The following GALNT18 variants were observed in gnomAD, a reference collection of about 807,000 sequenced individuals.
GALNT18 encodes polypeptide N-acetylgalactosaminyltransferase 18.
In GALNT18, 44 loss-of-function variants were observed where a neutral mutation model predicts 69.5. That is an observed-to-expected ratio of 0.63 (90% CI 0.50 to 0.81). GALNT18 has a LOEUF of 0.81. GALNT18 is among the 40% of genes least tolerant of loss of function. The pLI is 0.00. For synonymous variants in GALNT18, 364 were observed against 318.2 expected, an observed-to-expected ratio of 1.14 and a Z score of -1.53; for missense variants, 715 against 810.0, an observed-to-expected ratio of 0.88 and a Z score of 1.42.
rs1021530459 is a variant in GALNT18 at position 11,600,662 on chromosome 11, GATA to G, written c.235+20694_235+20696del. ...TATATGAACCTTGTTGAGCTTCTTG[GATA>G]TAAAGATTAATATTCTTTCTCAAAT... On this transcript the variant is annotated intron_variant, in intron 1 of 10. Transcript: ENST00000227756. The surrounding 1 kb of genome is among the most constrained non-coding windows in gnomAD (Gnocchi z 4.8). Among the ~76,000 whole-genome samples the G allele has an allele frequency of 1.2e-4, 18 of 152,096 alleles. No homozygotes were observed. The highest frequency in any genetic ancestry group is 1.0e-3 in the Admixed American group (16 of 15,282).
At chr11:11,515,200 C>T (rs779716139) in intron 1 of GALNT18, among the ~76,000 whole-genome samples, 1 of 152,072 alleles carries the variant, frequency 6.6e-6, no homozygotes, top group African/African-American at 2.4e-5. Context: ...ATGAGGTCAC[C>T]CTGCAAAGGG....
chr11:11,601,355 A>T lies in GALNT18; in HGVS notation c.235+20004T>A, dbSNP rs1043127546. Among the ~76,000 whole-genome samples, 2 of 152,160 alleles carry T rather than the reference A, an allele frequency of 1.3e-5. No individual in the cohort carries two copies. The highest frequency in any genetic ancestry group is 4.8e-5 in the African/African-American group (2 of 41,428). ...TTCCCCCAACAGTGTGTAGTCTCTA[A>T]TACTACTTCTTGAAGGTGAAACCTT... is the stretch of plus-strand genomic sequence containing the variant. On this transcript the variant is annotated intron_variant, in intron 1 of 10. Coordinates refer to ENST00000227756, the MANE Select transcript of GALNT18 (RefSeq NM_198516.3). This position sits in a 1 kb window ranked among gnomAD's most constrained non-coding sequence, Gnocchi z 4.0.
chr11:11,278,590 C>T (rs565569055), intron 10 of GALNT18, among the ~76,000 whole-genome samples: 1 of 151,574 alleles, frequency 6.6e-6, no homozygotes, highest in Admixed American at 6.6e-5. Context: ...AAACCAGGCA[C>T]AGAAAGACAA....
At chr11:11,327,014 G>T in intron 9 of GALNT18, 72 bp downstream of exon 9, 1 of 1,126,510 alleles carries the variant, frequency 8.9e-7, no homozygotes, top group Non-Finnish European at 1.4e-6. Context: ...CCATGACAGA[G>T]CCTAGCTCTC....
At chr11:11,522,351 A>G (rs1035139759) in intron 1 of GALNT18, among the ~76,000 whole-genome samples, 10 of 152,120 alleles carry the variant, frequency 6.6e-5, no homozygotes, top group Non-Finnish European at 8.8e-5. Context: ...CCAGTGGCCG[A>G]CAGGACTTAA....
At position 11,332,917 on chromosome 11, in the gene GALNT18, C is replaced by G; in HGVS notation, c.1279-86G>C. 3.4e-6 allele frequency: 5 copies of G among 1,464,568 alleles called. No individual in the cohort carries two copies. The Admixed American group carries it at 5.1e-5, about 15-fold the overall frequency. 90.7% of individuals were successfully genotyped at this position (1,464,568 alleles called of 1,614,324 possible). A position where few individuals can be genotyped will look rare whatever the true frequency, so the allele number is the denominator to read the frequency against. ...TCTACTTTGGCATGACCTTGTGCCCCCAACAAGATTCCTAGAGACTGGGGA... is the reference window on the plus strand; with the variant it reads ...TCTACTTTGGCATGACCTTGTGCCCGCAACAAGATTCCTAGAGACTGGGGA... On this transcript the variant is annotated intron_variant, in intron 7 of 10. Transcript: ENST00000227756. The surrounding 1 kb of genome is among the most constrained non-coding windows in gnomAD (Gnocchi z 4.3).
chr11:11,364,210 G>A (rs1241090707), intron 6 of GALNT18, among the ~76,000 whole-genome samples: 1 of 152,172 alleles, frequency 6.6e-6, no homozygotes, highest in Admixed American at 6.5e-5. Flanking sequence ...AAGTATTTCA[G>A]TTAATAAATG....
intron 10 of GALNT18, among the ~76,000 whole-genome samples, chr11:11,278,127 TG>T (rs1337078662): frequency 3.9e-5 from 6 of 151,962 alleles, no homozygotes; most frequent in African/African-American, 1.5e-4. Context: ...TATTATTGTG[TG>T]GGGGTCTAAG....
At chr11:11,410,551 CA>C (rs1466683942) in intron 3 of GALNT18, among the ~76,000 whole-genome samples, 1 of 152,168 alleles carries the variant, frequency 6.6e-6, no homozygotes, top group African/African-American at 2.4e-5. Flanking sequence ...AATGAGCAAT[CA>C]GGGGCACTGT....
At chr11:11,530,538 G>A (rs1411584569) in intron 1 of GALNT18, among the ~76,000 whole-genome samples, 1 of 152,146 alleles carries the variant, frequency 6.6e-6, no homozygotes, top group South Asian at 2.1e-4. Context: ...GAAGTCCATC[G>A]GACCCAAACA....
At chr11:11,295,437 C>T (rs915071021) in intron 9 of GALNT18, among the ~76,000 whole-genome samples, 1 of 150,814 alleles carries the variant, frequency 6.6e-6, no homozygotes, top group Non-Finnish European at 1.5e-5. Context: ...GAGCTGTCAC[C>T]AGAACGTGTA....
intron 1 of GALNT18, among the ~76,000 whole-genome samples, chr11:11,464,833 T>C (rs1201178284): frequency 6.6e-6 from 1 of 152,088 alleles, no homozygotes; most frequent in Non-Finnish European, 1.5e-5. Context: ...ATGTTGAAAA[T>C]TGGGGATAAT....
In GALNT18 at chr11:11,563,351, T is replaced by G. The variant is rs906819209; in HGVS notation, c.235+58008A>C. 5.3e-5 allele frequency among the ~76,000 whole-genome samples: 8 copies of G among 152,182 alleles called. No individual in the cohort carries two copies. The highest frequency in any genetic ancestry group is 1.2e-4 in the Non-Finnish European group (8 of 68,024). ...CAGTCATCTAAGTAAGGCTTGTTGG[T>G]AGAGGAACAGCCGAGATCTGGACAG... On this transcript the variant is annotated intron_variant, in intron 1 of 10. Transcript: ENST00000227756. This position sits in a 1 kb window ranked among gnomAD's most constrained non-coding sequence, Gnocchi z 4.6.
chr11:11,397,550 A>T (rs1854362738), intron 3 of GALNT18, among the ~76,000 whole-genome samples: 1 of 151,970 alleles, frequency 6.6e-6, no homozygotes, highest in Non-Finnish European at 1.5e-5. Context: ...TGCAACTTCC[A>T]CCTCCCCGGT....
At chr11:11,547,796 C>T (rs911711768) in intron 1 of GALNT18, among the ~76,000 whole-genome samples, 5 of 152,166 alleles carry the variant, frequency 3.3e-5, no homozygotes, top group African/African-American at 1.2e-4. Context: ...AAATTCATTC[C>T]ATGCTTCCTT....
intron 1 of GALNT18, among the ~76,000 whole-genome samples, chr11:11,609,753 C>T (rs1859850587): frequency 1.3e-5 from 2 of 152,156 alleles, no homozygotes; most frequent in South Asian, 4.1e-4. Context: ...TGTCCACCTC[C>T]TATAACTGCC....
intron 1 of GALNT18, among the ~76,000 whole-genome samples, chr11:11,560,396 G>A (rs1197207062): frequency 3.3e-5 from 5 of 152,302 alleles, no homozygotes; most frequent in South Asian, 4.1e-4. Context: ...TCACAATAGA[G>A]ACACTTGCTC....
At position 11,605,130 on chromosome 11, in the gene GALNT18, C is replaced by T. The variant is rs561004594; in HGVS notation, c.235+16229G>A. Among the ~76,000 whole-genome samples the T allele has an allele frequency of 1.3e-5, 2 of 152,180 alleles. No individual in the cohort carries two copies. Among genetic ancestry groups the T allele is most frequent in the African/African-American group, 4.8e-5 (2 of 41,432 alleles). On this transcript the variant is annotated intron_variant, in intron 1 of 10. Coordinates refer to ENST00000227756, the MANE Select transcript of GALNT18 (RefSeq NM_198516.3). This position sits in a 1 kb window ranked among gnomAD's most constrained non-coding sequence, Gnocchi z 4.7. The stretch of plus-strand genomic sequence containing the variant: ...CGGCTAATGGGCTGTGCTGTCCCGA[C>T]AGGCAGAGTCTGAGGAGGAACTTTT...
intron 10 of GALNT18, among the ~76,000 whole-genome samples, chr11:11,288,002 T>G (rs1362538343): frequency 6.6e-6 from 1 of 152,108 alleles, no homozygotes; most frequent in East Asian, 1.9e-4. Context: ...AGTCCTCCTA[T>G]CTCTTCCCGG....
Sources: allele counts gnomAD v4.1 joint callset (sites outside exome capture counted in the v4.1 genomes callset), GRCh38; gene constraint gnomAD v4.1.1; non-coding constraint Gnocchi (gnomAD v3.1); transcripts MANE v1.5; gene names NCBI Gene and HGNC (gene_info 2026-07-23, HGNC 2026-07-21).